The following ANKRD44 variants were observed in gnomAD, a reference collection of about 807,000 sequenced individuals.
ANKRD44 encodes the protein serine/threonine-protein phosphatase 6 regulatory ankyrin repeat subunit B.
In ANKRD44, 35 loss-of-function variants were observed where a neutral mutation model predicts 116.0. The observed-to-expected ratio is 0.30, with a 90% CI of 0.23 to 0.40. ANKRD44 has a LOEUF of 0.40. ANKRD44 is among the 10% of genes least tolerant of loss of function. The pLI, the probability that ANKRD44 is intolerant of heterozygous loss-of-function variation, is 1.00. For missense variants in ANKRD44, 1,014 were observed against 1,242.6 expected (o/e 0.82, Z 2.77); for synonymous variants, 435 against 461.8 (o/e 0.94, Z 0.74).
intron 10 of ANKRD44, among the ~76,000 whole-genome samples, chr2:197,098,861 G>A (rs769023908): frequency 6.6e-6 from 1 of 152,086 alleles, no homozygotes; most frequent in Non-Finnish European, 1.5e-5. Context: ...AGCTCACAAG[G>A]GAAGCAGCTT....
rs777579073 is a variant in ANKRD44, at chr2:196,995,499, A to G, written c.2749-38T>C. 1.5e-5 allele frequency: 22 copies of G among 1,458,852 alleles called. No homozygotes were observed. In the Middle Eastern group the frequency reaches 5.9e-4, roughly 39 times the overall value. 90.4% of individuals were successfully genotyped at this position (1,458,852 alleles called of 1,614,324 possible). A position where few individuals can be genotyped will look rare whatever the true frequency, so the allele number is the denominator to read the frequency against. Reference sequence around the variant, plus strand: ...AAGAATGATAAGAAATGCAAGATAGAGACACAGAAAAGTTACTGAGAAATT... The same window carrying G: ...AAGAATGATAAGAAATGCAAGATAGGGACACAGAAAAGTTACTGAGAAATT... On this transcript the variant is annotated intron_variant, in intron 25 of 27. Transcript: ENST00000282272.
intron 13 of ANKRD44, among the ~76,000 whole-genome samples, chr2:197,085,509 G>C (rs2077899182): frequency 6.6e-6 from 1 of 152,126 alleles, no homozygotes; most frequent in Non-Finnish European, 1.5e-5. Context: ...TGAAGACCTT[G>C]CTGATGAAAC....
rs993674040 is a variant in ANKRD44 at position 196,989,117 on chromosome 2, G to A, written c.*474C>T. Reference sequence around the variant, plus strand: ...CCCTTGGGCTTTTGGCTAGCCCAGGGTCAAGTGTTTTTTTTTTCACTTTTT... The same window carrying A: ...CCCTTGGGCTTTTGGCTAGCCCAGGATCAAGTGTTTTTTTTTTCACTTTTT... On this transcript the variant is annotated 3_prime_UTR_variant, in exon 28 of 28. Transcript: ENST00000282272. 3 of 985,042 alleles carry A rather than the reference G, an allele frequency of 3.0e-6. No individual in the cohort carries two copies. The South Asian group carries it at 1.4e-4, about 46-fold the overall frequency. The allele number at this position is 985,042 out of a possible 1,614,324, so 61.0% of individuals were successfully genotyped here. A position where few individuals can be genotyped will look rare whatever the true frequency, so the allele number is the denominator to read the frequency against.
intron 21 of ANKRD44, among the ~76,000 whole-genome samples, chr2:196,972,124 G>A (rs2075720290): frequency 6.6e-6 from 1 of 152,210 alleles, no homozygotes; most frequent in Non-Finnish European, 1.5e-5. Context: ...GGAAGACAAT[G>A]AGGGTGAGTC....
intron 8 of ANKRD44, among the ~76,000 whole-genome samples, chr2:197,117,001 T>C (rs1444391587): frequency 6.6e-6 from 1 of 152,214 alleles, no homozygotes; most frequent in Non-Finnish European, 1.5e-5. Context: ...GATTTATGTA[T>C]GATAAAGCTG....
intron 1 of ANKRD44, among the ~76,000 whole-genome samples, chr2:197,189,220 A>C (rs2080762060): frequency 6.6e-6 from 1 of 152,232 alleles, no homozygotes; most frequent in Non-Finnish European, 1.5e-5. Context: ...TGGATATTTC[A>C]ATATGCCAGG....
chr2:197,131,322 G>C (rs541946609), intron 4 of ANKRD44, among the ~76,000 whole-genome samples: 8 of 151,546 alleles, frequency 5.3e-5, no homozygotes, highest in Non-Finnish European at 8.8e-5. Context: ...CTCCCGAGTA[G>C]CTGGGACTAC....
chr2:197,196,649 T>C (rs141135357), intron 1 of ANKRD44, among the ~76,000 whole-genome samples: 1 of 152,322 alleles, frequency 6.6e-6, no homozygotes, highest in Non-Finnish European at 1.5e-5. Flanking sequence ...AACTACTGTA[T>C]ACAAGATATA....
chr2:197,049,318 G>A (rs938311942), intron 16 of ANKRD44, among the ~76,000 whole-genome samples: 1 of 152,022 alleles, frequency 6.6e-6, no homozygotes, highest in African/African-American at 2.4e-5. Context: ...TTTAGGAATA[G>A]ACCTATTTTC....
chr2:196,998,186 C>A, intron 25 of ANKRD44, 151 bp downstream of exon 25: 1 of 615,204 alleles, frequency 1.6e-6, no homozygotes. Context: ...TCCTTTCCTT[C>A]TCATCCTTCC....
At chr2:197,097,667 T>TG (rs2078192875) in intron 10 of ANKRD44, among the ~76,000 whole-genome samples, 1 of 152,224 alleles carries the variant, frequency 6.6e-6, no homozygotes, top group African/African-American at 2.4e-5. Context: ...TCCCTGGACA[T>TG]TTGCAAGAGG....
intron 9 of ANKRD44, among the ~76,000 whole-genome samples, chr2:197,110,042 T>C (rs1409172763): frequency 6.6e-6 from 1 of 151,908 alleles, no homozygotes; most frequent in East Asian, 1.9e-4. Flanking sequence ...AATGGCACAA[T>C]CTTGGCTCAG....
At chr2:197,021,886 C>T (rs2125938417) in intron 17 of ANKRD44, among the ~76,000 whole-genome samples, 1 of 152,354 alleles carries the variant, frequency 6.6e-6, no homozygotes, top group Admixed American at 6.5e-5. Context: ...GAATTGGGAT[C>T]TCAACAGAAT....
At position 196,988,051 on chromosome 2, in the gene ANKRD44, TC is replaced by T; in HGVS notation, c.*1539del. The T allele has an allele frequency of 1.0e-6, 1 of 985,416 alleles. No individual in the cohort carries two copies. Among genetic ancestry groups the T allele is most frequent in the Non-Finnish European group, 1.2e-6 (1 of 829,922 alleles). 61.0% of individuals were successfully genotyped at this position (985,416 alleles called of 1,614,324 possible). A position where few individuals can be genotyped will look rare whatever the true frequency, so the allele number is the denominator to read the frequency against. ...AGCATGATTTCATTTCGTTCCTTTG[TC>T]CTCCTTCTATGAGTAAGAGAGTGGG... On this transcript the variant is annotated 3_prime_UTR_variant, in exon 28 of 28. Transcript: ENST00000282272.
chr2:197,053,382 G>C (rs1233011935), intron 16 of ANKRD44, among the ~76,000 whole-genome samples: 2 of 152,078 alleles, frequency 1.3e-5, no homozygotes, highest in African/African-American at 4.8e-5. Context: ...ATTAAGCACA[G>C]ATAATTTTTA....
Position 197,007,788 on chromosome 2 carries a change from T to C in ANKRD44, c.2130+18A>G. The C allele has an allele frequency of 3.9e-6, 6 of 1,548,220 alleles. No homozygotes were observed. The South Asian group carries it at 6.8e-5, about 18-fold the overall frequency. Reference sequence around the variant, plus strand: ...ATTAAAAAAATTGCTTGACTAGAGCTGAGAAAGATGTACATACCCCTCTGT... The same window carrying C: ...ATTAAAAAAATTGCTTGACTAGAGCCGAGAAAGATGTACATACCCCTCTGT... On this transcript the variant is annotated intron_variant, in intron 20 of 27. Coordinates refer to ENST00000282272, the MANE Select transcript of ANKRD44 (RefSeq NM_001195144.2).
rs1406221 is a variant in ANKRD44, at chr2:197,112,278, A to T, written c.907-1434T>A. Among the ~76,000 whole-genome samples the T allele has an allele frequency of 2.0e-3, 300 of 152,328 alleles. 1 individual carries two copies. The highest frequency in any genetic ancestry group is 7.0e-3 in the African/African-American group (292 of 41,576). On this transcript the variant is annotated intron_variant, in intron 8 of 27. Coordinates refer to ENST00000282272, the MANE Select transcript of ANKRD44 (RefSeq NM_001195144.2). ...TTTAAAAATGCATGTTCATTTTGTG[A>T]TGAAATCCAAATGCCTGTATTTTAA... is the stretch of plus-strand genomic sequence containing the variant.
chr2:197,088,094 A>G (rs2077966604), intron 12 of ANKRD44, among the ~76,000 whole-genome samples: 1 of 152,218 alleles, frequency 6.6e-6, no homozygotes, highest in Non-Finnish European at 1.5e-5. Flanking sequence ...ATGTTTAGTC[A>G]ATGTGTGGTC....
At position 196,988,795 on chromosome 2, in the gene ANKRD44, T is replaced by G; in HGVS notation, c.*796A>C. On this transcript the variant is annotated 3_prime_UTR_variant, in exon 28 of 28. Transcript: ENST00000282272. ...TGAGCTGGTGATTTTTATTTCTCCTTTTGGCACATGTGCCCACACACTGCC... is the reference window on the plus strand; with the variant it reads ...TGAGCTGGTGATTTTTATTTCTCCTGTTGGCACATGTGCCCACACACTGCC... 1 of 985,470 alleles carries G rather than the reference T, an allele frequency of 1.0e-6. No individual in the cohort carries two copies. The highest frequency in any genetic ancestry group is 1.2e-6 in the Non-Finnish European group (1 of 829,942). 61.0% of individuals were successfully genotyped at this position (985,470 alleles called of 1,614,324 possible).
Sources: allele counts gnomAD v4.1 joint callset (sites outside exome capture counted in the v4.1 genomes callset), GRCh38; gene constraint gnomAD v4.1.1; transcripts MANE v1.5; gene names NCBI Gene and HGNC (gene_info 2026-07-23, HGNC 2026-07-21).